The following PPP1R12A variants were observed in gnomAD, a reference collection of about 807,000 sequenced individuals.
PPP1R12A encodes the protein protein phosphatase 1 regulatory subunit 12A.
In PPP1R12A, 19 loss-of-function variants were observed where a neutral mutation model predicts 139.6. That is an observed-to-expected ratio of 0.14 (90% CI 0.09 to 0.20). The LOEUF is 0.20. PPP1R12A is among the 10% of genes least tolerant of loss of function. The pLI is 1.00. For synonymous variants in PPP1R12A, 427 were observed against 420.6 expected (o/e 1.02, Z -0.19); for missense variants, 925 against 1,211.5 (o/e 0.76, Z 3.51).
intron 22 of PPP1R12A, among the ~76,000 whole-genome samples, chr12:79,785,026 A>G (rs189263475): frequency 5.3e-5 from 8 of 152,266 alleles, no homozygotes; most frequent in African/African-American, 1.9e-4. Flanking sequence ...TTATGTATAC[A>G]GGCTCACTAA....
At chr12:79,812,389 T>TGC (rs1230414845) in intron 9 of PPP1R12A, among the ~76,000 whole-genome samples, 1 of 58,216 alleles carries the variant, frequency 1.7e-5, no homozygotes, top group East Asian at 2.8e-4. Context: ...ACTCTGTGTG[T>TGC]GCGTGTGTGT....
intron 1 of PPP1R12A, among the ~76,000 whole-genome samples, chr12:79,875,194 T>C (rs926889349): frequency 1.3e-5 from 2 of 152,212 alleles, no homozygotes; most frequent in Non-Finnish European, 2.9e-5. Context: ...ATAGGTTGTA[T>C]TCATAAACAC....
chr12:79,822,613 T>C (rs948722348), intron 5 of PPP1R12A, among the ~76,000 whole-genome samples: 43 of 152,212 alleles, frequency 2.8e-4, no homozygotes, highest in African/African-American at 9.6e-4. Flanking sequence ...TTTCTGTCTC[T>C]ATAGGTCTAC....
chr12:79,816,709 C>T (rs1271717706), intron 9 of PPP1R12A, among the ~76,000 whole-genome samples: 3 of 152,126 alleles, frequency 2.0e-5, no homozygotes, highest in Non-Finnish European at 1.5e-5. Context: ...ATTTTGAAAA[C>T]ACACTCAGTT....
chr12:79,843,611 AAT>A (rs1491285690), intron 3 of PPP1R12A, among the ~76,000 whole-genome samples: 2 of 134,940 alleles, frequency 1.5e-5, no homozygotes, highest in African/African-American at 5.6e-5. Flanking sequence ...CTCAAAAAAA[AAT>A]ATAGATATAG....
intron 6 of PPP1R12A, 113 bp from the exon 7 acceptor site, chr12:79,821,279 C>T (rs868195935): frequency 2.9e-6 from 2 of 679,644 alleles, no homozygotes; most frequent in Non-Finnish European, 4.9e-6. Flanking sequence ...TAAGACAAAA[C>T]AAAGAAATAA....
chr12:79,875,638 T>A (rs1883026927), intron 1 of PPP1R12A, among the ~76,000 whole-genome samples: 1 of 152,220 alleles, frequency 6.6e-6, no homozygotes, highest in Non-Finnish European at 1.5e-5. Flanking sequence ...CATCTTTGGT[T>A]TATTGCCAAA....
intron 14 of PPP1R12A, among the ~76,000 whole-genome samples, chr12:79,802,575 G>A (rs1873319844): frequency 6.6e-6 from 1 of 152,118 alleles, no homozygotes; most frequent in Non-Finnish European, 1.5e-5. Context: ...TTGTGGCCAG[G>A]AGTTTGAGAC....
At position 79,775,721 on chromosome 12, in the gene PPP1R12A, A is replaced by G. The variant is rs2136954093; in HGVS notation, c.*208T>C. 1 of 383,320 alleles carries G rather than the reference A, an allele frequency of 2.6e-6. No homozygotes were observed. The highest frequency in any genetic ancestry group is 6.0e-5 in the South Asian group (1 of 16,676). 23.7% of individuals were successfully genotyped at this position (383,320 alleles called of 1,614,324 possible). A position where few individuals can be genotyped will look rare whatever the true frequency, so the allele number is the denominator to read the frequency against. ...ACATGAAACAATGGTCTTGATTAAA[A>G]AAAAAAAACAAAAAACAAACCAACA... On this transcript the variant is annotated 3_prime_UTR_variant, in exon 25 of 25. Transcript: ENST00000450142.
chr12:79,864,298 A>C (rs1277698913), intron 2 of PPP1R12A, among the ~76,000 whole-genome samples: 1 of 152,232 alleles, frequency 6.6e-6, no homozygotes, highest in Non-Finnish European at 1.5e-5. Context: ...CAATGAAAAC[A>C]AAGACACAAC....
intron 19 of PPP1R12A, among the ~76,000 whole-genome samples, chr12:79,791,709 T>C (rs1871892191): frequency 6.6e-6 from 1 of 152,218 alleles, no homozygotes; most frequent in South Asian, 2.1e-4. Context: ...TTTTAGAGTA[T>C]ATAGTTCAGT....
intron 1 of PPP1R12A, among the ~76,000 whole-genome samples, chr12:79,916,510 T>C (rs1255028796): frequency 6.6e-6 from 1 of 152,228 alleles, no homozygotes; most frequent in African/African-American, 2.4e-5. Flanking sequence ...TTTAAAATTC[T>C]AAAACCCAAA....
intron 24 of PPP1R12A, among the ~76,000 whole-genome samples, chr12:79,776,501 C>T (rs895480418): frequency 2.6e-5 from 4 of 152,192 alleles, no homozygotes; most frequent in African/African-American, 7.2e-5. Flanking sequence ...ATTCCTTAAA[C>T]GATTCACCTA....
intron 8 of PPP1R12A, among the ~76,000 whole-genome samples, chr12:79,819,860 G>C (rs1227732680): frequency 6.6e-6 from 1 of 151,784 alleles, no homozygotes; most frequent in African/African-American, 2.4e-5. Flanking sequence ...CTTGAACCCA[G>C]GAGTTTGAGA....
chr12:79,796,421 C>T (rs1199047682), intron 17 of PPP1R12A, among the ~76,000 whole-genome samples: 2 of 145,298 alleles, frequency 1.4e-5, no homozygotes, highest in Non-Finnish European at 3.1e-5. Flanking sequence ...CACAAAAAAA[C>T]ATTTAAATGA....
intron 22 of PPP1R12A, among the ~76,000 whole-genome samples, chr12:79,784,855 T>C (rs1394656436): frequency 1.3e-5 from 2 of 152,082 alleles, no homozygotes; most frequent in African/African-American, 4.8e-5. Context: ...GCCAGGCTGG[T>C]CTCGAGCTCG....
At chr12:79,840,751 G>A (rs988730486) in intron 3 of PPP1R12A, among the ~76,000 whole-genome samples, 15 of 152,222 alleles carry the variant, frequency 9.9e-5, no homozygotes, top group African/African-American at 3.6e-4. Context: ...ACTAATTTGA[G>A]AATCTTCTTC....
chr12:79,797,965 A>G (rs962762081), intron 15 of PPP1R12A, among the ~76,000 whole-genome samples: 2 of 152,188 alleles, frequency 1.3e-5, no homozygotes, highest in Admixed American at 1.3e-4. Context: ...ACAAAAGTAT[A>G]CATCATATAC....
At chr12:79,777,384 C>T (rs1869864885) in intron 24 of PPP1R12A, 2 of 984,164 alleles carry the variant, frequency 2.0e-6, no homozygotes, top group African/African-American at 3.5e-5. Flanking sequence ...TTCTAAGAAG[C>T]CATGCATAAT....
Sources: allele counts gnomAD v4.1 joint callset (sites outside exome capture counted in the v4.1 genomes callset), GRCh38; gene constraint gnomAD v4.1.1; transcripts MANE v1.5; gene names NCBI Gene and HGNC (gene_info 2026-07-23, HGNC 2026-07-21).